NOS1AP: variants seen among roughly 807,000 people sequenced by gnomAD.
NOS1AP encodes nitric oxide synthase 1 adaptor protein.
Under a neutral mutation model 56.2 loss-of-function variants are expected in NOS1AP, and 21 were observed. The observed-to-expected ratio is 0.37, with a 90% CI of 0.26 to 0.54. The LOEUF is 0.54. Ranked by LOEUF, NOS1AP falls within the 20% of genes least tolerant of loss-of-function variation. The pLI is 0.84. For missense variants in NOS1AP, 522 were observed against 657.8 expected, an observed-to-expected ratio of 0.79 and a Z score of 2.26; for synonymous variants, 270 against 274.6, an observed-to-expected ratio of 0.98 and a Z score of 0.17.
At chr1:162,349,258 A>T (rs1026797223) in intron 6 of NOS1AP, among the ~76,000 whole-genome samples, 1 of 152,166 alleles carries the variant, frequency 6.6e-6, no homozygotes, top group South Asian at 2.1e-4. Flanking sequence ...TGGGGGAGTA[A>T]TCGGCTTGGC....
At chr1:162,338,494 C>T (rs896006382) in intron 5 of NOS1AP, 2 of 152,156 alleles carry the variant, frequency 1.3e-5, no homozygotes, top group Admixed American at 6.5e-5. Context: ...AAATTCAGAA[C>T]AGTGCCCAAA....
chr1:162,325,978 T>G (rs1250192602), intron 4 of NOS1AP, among the ~76,000 whole-genome samples: 1 of 152,126 alleles, frequency 6.6e-6, no homozygotes, highest in East Asian at 1.9e-4. Flanking sequence ...ATTTCTAAGT[T>G]TGTTTCCACA....
At chr1:162,125,887 A>G (rs960937657) in intron 1 of NOS1AP, among the ~76,000 whole-genome samples, 1 of 151,538 alleles carries the variant, frequency 6.6e-6, no homozygotes. Context: ...CATGATATTG[A>G]TTTTTTCCAA....
intron 5 of NOS1AP, among the ~76,000 whole-genome samples, chr1:162,336,113 T>C (rs1357579965): frequency 6.6e-6 from 1 of 152,242 alleles, no homozygotes; most frequent in Non-Finnish European, 1.5e-5. Flanking sequence ...CTAGATTATC[T>C]AAGTTCCAGC....
At chr1:162,233,492 A>C (rs948466683) in intron 2 of NOS1AP, among the ~76,000 whole-genome samples, 3 of 146,856 alleles carry the variant, frequency 2.0e-5, no homozygotes, top group African/African-American at 7.6e-5. Flanking sequence ...TACCCATTTA[A>C]AGTGTAATAT....
chr1:162,331,839 G>T (rs1042846401), intron 4 of NOS1AP, among the ~76,000 whole-genome samples: 21 of 149,432 alleles, frequency 1.4e-4, no homozygotes, highest in African/African-American at 5.1e-4. Context: ...CCCTGGGGGG[G>T]CCCTGTCCTA....
intron 2 of NOS1AP, among the ~76,000 whole-genome samples, chr1:162,251,414 T>C (rs1653844224): frequency 6.6e-6 from 1 of 152,122 alleles, no homozygotes; most frequent in African/African-American, 2.4e-5. Context: ...GTCCTGTTTC[T>C]TCAGAGAGAA....
At chr1:162,297,218 G>A (rs1047413312) in intron 3 of NOS1AP, among the ~76,000 whole-genome samples, 1 of 152,226 alleles carries the variant, frequency 6.6e-6, no homozygotes, top group Admixed American at 6.5e-5. Context: ...CCTCTTTGAT[G>A]TATTGGGTCA....
At chr1:162,303,396 C>T (rs541090471) in intron 4 of NOS1AP, among the ~76,000 whole-genome samples, 2 of 152,166 alleles carry the variant, frequency 1.3e-5, no homozygotes, top group Non-Finnish European at 1.5e-5. Context: ...ATTAATATCT[C>T]ATTGTGATTT....
chr1:162,107,213 A>G (rs1468029632), intron 1 of NOS1AP, among the ~76,000 whole-genome samples: 2 of 152,230 alleles, frequency 1.3e-5, no homozygotes, highest in African/African-American at 2.4e-5. Context: ...AGAATAAACC[A>G]TAAGAGAATA....
intron 1 of NOS1AP, among the ~76,000 whole-genome samples, chr1:162,126,835 G>C (rs1648510692): frequency 6.6e-6 from 1 of 152,072 alleles, no homozygotes; most frequent in South Asian, 2.1e-4. Flanking sequence ...CTGGGTCAAA[G>C]GTAAATGCAT....
chr1:162,265,385 C>T (rs4486429), intron 2 of NOS1AP, among the ~76,000 whole-genome samples: 117,620 of 123,920 alleles, frequency 0.95, 55,815 homozygotes, highest in East Asian at 0.99. Context: ...CCCCTCCCCC[C>T]ACCCCACAAC....
intron 3 of NOS1AP, among the ~76,000 whole-genome samples, chr1:162,289,511 G>T: frequency 2.8e-5 from 3 of 106,346 alleles, no homozygotes; most frequent in African/African-American, 3.8e-5. Context: ...GTCTCGCTCT[G>T]TCGCCCAGGC....
At chr1:162,159,172 A>G (rs1478033009) in intron 2 of NOS1AP, among the ~76,000 whole-genome samples, 2 of 152,198 alleles carry the variant, frequency 1.3e-5, no homozygotes, top group Non-Finnish European at 2.9e-5. Flanking sequence ...TATGAACACC[A>G]GTCTGTCGTT....
In NOS1AP at chr1:162,188,728, T is replaced by C. The variant is rs1651520568; in HGVS notation, c.177+34252T>C. Among the ~76,000 whole-genome samples, 1 of 152,236 alleles carries C rather than the reference T, an allele frequency of 6.6e-6. No individual in the cohort carries two copies. Among genetic ancestry groups the C allele is most frequent in the Admixed American group, 6.5e-5 (1 of 15,286 alleles). ...ATGATAACAGTGTAATAAATGTCTCTATTTTTATTTTCAAATGTTGAACAG... is the reference window on the plus strand; with the variant it reads ...ATGATAACAGTGTAATAAATGTCTCCATTTTTATTTTCAAATGTTGAACAG... On this transcript the variant is annotated intron_variant, in intron 2 of 9. Transcript: ENST00000361897. The surrounding 1 kb of genome is among the most constrained non-coding windows in gnomAD (Gnocchi z 4.0).
intron 1 of NOS1AP, among the ~76,000 whole-genome samples, chr1:162,089,283 A>C (rs1159759171): frequency 1.3e-5 from 2 of 152,212 alleles, no homozygotes; most frequent in Non-Finnish European, 2.9e-5. Flanking sequence ...CACACTGAGA[A>C]TTCTGGTTTT....
intron 4 of NOS1AP, among the ~76,000 whole-genome samples, chr1:162,305,448 G>A (rs1006594570): frequency 2.7e-5 from 4 of 150,910 alleles, no homozygotes; most frequent in South Asian, 4.2e-4. Flanking sequence ...GAAGTGATTC[G>A]CTATTACAGT....
chr1:162,153,526 A>G (rs772058943), intron 1 of NOS1AP, among the ~76,000 whole-genome samples: 1 of 152,244 alleles, frequency 6.6e-6, no homozygotes, highest in Non-Finnish European at 1.5e-5. Flanking sequence ...GATGAAAAGT[A>G]TAATTTGTAG....
intron 1 of NOS1AP, among the ~76,000 whole-genome samples, chr1:162,146,415 G>T (rs1278967398): frequency 2.0e-5 from 3 of 152,072 alleles, no homozygotes; most frequent in South Asian, 2.1e-4. Context: ...ACCTGGCTGG[G>T]GTTTACACAT....
Sources: allele counts gnomAD v4.1 joint callset (sites outside exome capture counted in the v4.1 genomes callset), GRCh38; gene constraint gnomAD v4.1.1; non-coding constraint Gnocchi (gnomAD v3.1); transcripts MANE v1.5; gene names NCBI Gene and HGNC (gene_info 2026-07-23, HGNC 2026-07-21).